The following CSMD1 variants were observed in gnomAD, a reference collection of about 807,000 sequenced individuals.
CSMD1 encodes CUB and sushi domain-containing protein 1.
In CSMD1, 213 loss-of-function variants were observed where a neutral mutation model predicts 417.5. The ratio of observed to expected loss-of-function variants is 0.51; its 90% CI spans 0.46 to 0.57. The LOEUF (loss-of-function observed/expected upper bound fraction) is 0.57. Among genes scored for constraint, CSMD1 ranks in the 20% least tolerant of loss-of-function variants. CSMD1 has a pLI of 0.00. For synonymous variants in CSMD1, 2,862 were observed against 1,736.8 expected (o/e 1.65, Z -16.11); for missense variants, 6,923 against 4,529.7 (o/e 1.53, Z -15.17).
intron 5 of CSMD1, among the ~76,000 whole-genome samples, chr8:3,835,410 C>A (rs1189763531): frequency 9.2e-5 from 14 of 151,954 alleles, no homozygotes; most frequent in African/African-American, 2.9e-4. Context: ...GAGTTCATGT[C>A]CTTTGTAGGG....
At chr8:3,461,425 C>A (rs956205933) in intron 12 of CSMD1, among the ~76,000 whole-genome samples, 2 of 152,134 alleles carry the variant, frequency 1.3e-5, no homozygotes, top group Non-Finnish European at 2.9e-5. Context: ...TGTGTCAGTC[C>A]CCAGAGGCTG....
intron 15 of CSMD1, among the ~76,000 whole-genome samples, chr8:3,401,643 A>G (rs754021683): frequency 3.3e-5 from 5 of 152,184 alleles, no homozygotes; most frequent in Non-Finnish European, 7.3e-5. Flanking sequence ...ATTTCTCACA[A>G]ATGTGGCATG....
chr8:4,773,872 C>A (rs1020221540), intron 1 of CSMD1, among the ~76,000 whole-genome samples: 1 of 152,046 alleles, frequency 6.6e-6, no homozygotes, highest in Non-Finnish European at 1.5e-5. Flanking sequence ...CACCAGTGCC[C>A]AAACTATTAA....
At chr8:3,189,047 C>A in intron 34 of CSMD1, 36 bp from the exon 35 acceptor site, 1 of 1,591,352 alleles carries the variant, frequency 6.3e-7, no homozygotes, top group South Asian at 1.1e-5. Context: ...AAATAAAGTG[C>A]TGTGGGACAG....
chr8:3,263,393 C>G (rs1040113690), intron 26 of CSMD1, among the ~76,000 whole-genome samples: 2 of 152,206 alleles, frequency 1.3e-5, no homozygotes, highest in Non-Finnish European at 2.9e-5. Flanking sequence ...GCCACCGTGC[C>G]AGGCCTTGCT....
At chr8:3,981,454 C>T (rs1813857609) in intron 5 of CSMD1, among the ~76,000 whole-genome samples, 1 of 138,606 alleles carries the variant, frequency 7.2e-6, no homozygotes, top group Non-Finnish European at 1.5e-5. Flanking sequence ...AGAACTTACT[C>T]ATGTATCCAA....
intron 5 of CSMD1, among the ~76,000 whole-genome samples, chr8:3,995,080 G>C (rs1020511007): frequency 3.3e-5 from 5 of 152,108 alleles, no homozygotes; most frequent in South Asian, 2.1e-4. Flanking sequence ...ACACCAATTT[G>C]ATTCATGAAA....
chr8:4,332,075 G>A (rs777157687), intron 3 of CSMD1, among the ~76,000 whole-genome samples: 1 of 152,038 alleles, frequency 6.6e-6, no homozygotes, highest in Non-Finnish European at 1.5e-5. Context: ...TGGCTCCACT[G>A]AATCATCTAT....
chr8:3,735,200 G>C (rs1482031383), intron 6 of CSMD1, among the ~76,000 whole-genome samples: 1 of 152,172 alleles, frequency 6.6e-6, no homozygotes, highest in East Asian at 1.9e-4. Context: ...TAACGGGCAA[G>C]TTGCCCCTGG....
At chr8:4,893,963 T>C (rs1804303058) in intron 1 of CSMD1, among the ~76,000 whole-genome samples, 1 of 152,280 alleles carries the variant, frequency 6.6e-6, no homozygotes, top group Middle Eastern at 3.4e-3. Flanking sequence ...TTGTCTTTTT[T>C]TTAGGTACAG....
intron 4 of CSMD1, among the ~76,000 whole-genome samples, chr8:4,024,788 C>G (rs1295654434): frequency 7.2e-5 from 11 of 152,178 alleles, no homozygotes; most frequent in Non-Finnish European, 1.5e-4. Context: ...TAGTTTATGA[C>G]AGCTTGTGAC....
chr8:4,110,563 G>C (rs1176933251), intron 3 of CSMD1, among the ~76,000 whole-genome samples: 1 of 152,026 alleles, frequency 6.6e-6, no homozygotes, highest in Non-Finnish European at 1.5e-5. Context: ...ACAATTTTCT[G>C]ACTAGTTTAA....
intron 2 of CSMD1, among the ~76,000 whole-genome samples, chr8:4,626,278 T>A (rs924290651): frequency 6.6e-6 from 1 of 152,088 alleles, no homozygotes; most frequent in African/African-American, 2.4e-5. Context: ...TTCTCTCAAA[T>A]TGAACATACA....
chr8:4,565,923 T>A (rs971538612), intron 2 of CSMD1, among the ~76,000 whole-genome samples: 1 of 151,708 alleles, frequency 6.6e-6, no homozygotes, highest in Admixed American at 6.6e-5. Context: ...TTTGTTTCAA[T>A]GAGTGAAAAA....
At chr8:4,173,072 C>A (rs988431622) in intron 3 of CSMD1, among the ~76,000 whole-genome samples, 1 of 152,156 alleles carries the variant, frequency 6.6e-6, no homozygotes, top group Non-Finnish European at 1.5e-5. Context: ...TAAATAACTT[C>A]CATCTTAATT....
intron 6 of CSMD1, among the ~76,000 whole-genome samples, chr8:3,732,061 C>A (rs1035283500): frequency 6.6e-6 from 1 of 152,038 alleles, no homozygotes; most frequent in East Asian, 1.9e-4. Context: ...ATGCTCCATT[C>A]CTATGACCAA....
At chr8:4,199,085 G>A (rs996986950) in intron 3 of CSMD1, among the ~76,000 whole-genome samples, 3 of 152,164 alleles carry the variant, frequency 2.0e-5, no homozygotes, top group Admixed American at 1.3e-4. Flanking sequence ...AGTAGAGCCA[G>A]CGCCCAGCTC....
intron 1 of CSMD1, among the ~76,000 whole-genome samples, chr8:4,700,954 G>C (rs369822988): frequency 6.6e-6 from 1 of 152,084 alleles, no homozygotes; most frequent in African/African-American, 2.4e-5. Context: ...AGTAACCTTC[G>C]GTCTCCTGCA....
chr8:3,631,693 G>C (rs537701597), intron 7 of CSMD1, among the ~76,000 whole-genome samples: 2 of 152,148 alleles, frequency 1.3e-5, no homozygotes, highest in East Asian at 3.9e-4. Context: ...GTCGTCAGAC[G>C]GAGGGAAGAA....
Sources: gnomAD v4.1 joint callset for allele counts (sites outside exome capture counted in the v4.1 genomes callset) on GRCh38, gnomAD v4.1.1 for gene constraint, MANE v1.5 for transcripts, NCBI Gene and HGNC (gene_info 2026-07-23, HGNC 2026-07-21) for gene names.